Variants in ADAMTS8 observed in about 807,000 individuals in gnomAD.
ADAMTS8 encodes the protein A disintegrin and metalloproteinase with thrombospondin motifs 8.
ADAMTS8 carries 50 observed loss-of-function variants against 64.4 expected under a neutral mutation model. That is an observed-to-expected ratio of 0.78 (90% confidence interval 0.62 to 0.98). ADAMTS8 has a LOEUF of 0.98. ADAMTS8 is among the 50% of genes least tolerant of loss of function. The pLI is 0.00. For missense variants in ADAMTS8, 1,192 were observed against 1,208.2 expected (o/e 0.99, Z 0.20); for synonymous variants, 556 against 533.6 (o/e 1.04, Z -0.58).
At chr11:130,427,335 T>TG (rs909052681) in intron 1 of ADAMTS8, among the ~76,000 whole-genome samples, 3 of 151,570 alleles carry the variant, frequency 2.0e-5, no homozygotes, top group Admixed American at 6.6e-5. Flanking sequence ...GGAAGGGACC[T>TG]GGGGGTGGGG....
Position 130,427,941 on chromosome 11 carries a change from C to T in ADAMTS8, c.346G>A (p.Val116Ile), listed in dbSNP as rs1467823949. Residue 116 changes from valine to isoleucine, a missense_variant, in exon 1 of 9, where the codon GTC (valine) becomes ATC (isoleucine). This residue lies in a region of ADAMTS8 where 741 missense variants were observed against 710.6 expected (regional missense o/e 1.04). Coordinates refer to ENST00000257359, the MANE Select transcript of ADAMTS8 (RefSeq NM_007037.6). ...CCGCTCAGCCCGCGGCACAGGCTGA[C>T]CGCCGCCAGCGACTCGGGCTCCCCA... is the stretch of plus-strand genomic sequence containing the variant. Reference protein sequence around the residue: ...VNGEPESLAAVSLCRGLSGSF... With the variant: ...VNGEPESLAAISLCRGLSGSF... The T allele has an allele frequency of 6.5e-7, 1 of 1,532,024 alleles. No homozygotes were observed. Among genetic ancestry groups the T allele is most frequent in the Middle Eastern group, 1.9e-4 (1 of 5,248 alleles). 94.9% of individuals were successfully genotyped at this position (1,532,024 alleles called of 1,614,324 possible).
intron 6 of ADAMTS8, among the ~76,000 whole-genome samples, chr11:130,410,470 C>T (rs1861938753): frequency 1.3e-5 from 2 of 152,212 alleles, no homozygotes; most frequent in South Asian, 4.1e-4. Context: ...ACGTCTCACC[C>T]TGTATGCCAG....
rs386375276 is a variant in ADAMTS8 at position 130,415,603 on chromosome 11, CTTTT to C, written c.1264+556_1264+559del. Among the ~76,000 whole-genome samples the C allele has an allele frequency of 2.4e-3, 252 of 104,794 alleles. 3 individuals carry two copies. Among genetic ancestry groups the C allele is most frequent in the African/African-American group, 8.0e-3 (219 of 27,512 alleles). 68.7% of individuals were successfully genotyped at this position (104,794 alleles called of 152,430 possible). On this transcript the variant is annotated intron_variant, in intron 4 of 8. Transcript: ENST00000257359. ...CGGGCAGAAGCCACTGCACCTGGCC[CTTTT>C]TTTTTTTTTTTTTTTTAAAGAGATA...
Position 130,408,907 on chromosome 11 carries a change from T to A in ADAMTS8, c.1784A>T (p.Tyr595Phe). The change falls in exon 7 of 9, where the codon TAT (tyrosine) becomes TTT (phenylalanine). Residue 595 changes from tyrosine to phenylalanine, a missense_variant. Physicochemically the swap from Tyr to Phe is conservative, Grantham distance 22 (BLOSUM62 3). Transcript: ENST00000257359. ...CATGTCAGTGTAATTGTAGGCATTA[T>A]ACTTCTCACACTGCTGCTCCCTGAA... is the stretch of plus-strand genomic sequence containing the variant. ...KSFREQQCEK[Y>F]NAYNYTDMDG... 8.8e-6 allele frequency: 14 copies of A among 1,589,596 alleles called. No individual in the cohort carries two copies. The highest frequency in any genetic ancestry group is 1.2e-5 in the Non-Finnish European group (14 of 1,167,356).
rs919453740 is a variant in ADAMTS8 at position 130,417,045 on chromosome 11, T to A, written c.991A>T (p.Thr331Ser). 2 of 1,613,898 alleles carry A rather than the reference T, an allele frequency of 1.2e-6. No individual in the cohort carries two copies. Among genetic ancestry groups the A allele is most frequent in the South Asian group, 2.2e-5 (2 of 91,078 alleles). Reference protein sequence around the residue: ...NFCGQEGLCDTLGVADIGTIC... With the variant: ...NFCGQEGLCDSLGVADIGTIC... ...GTCCCGATGTCTGCCACACCCAGGG[T>A]GTCACACAGCCCCTCCTGCCCACAG... Residue 331 changes from threonine to serine, a missense_variant, in exon 3 of 9, where the codon ACC becomes TCC. This residue lies in a region of ADAMTS8 where 741 missense variants were observed against 710.6 expected (regional missense o/e 1.04). Transcript: ENST00000257359.
chr11:130,423,539 G>A (rs1862126269), intron 1 of ADAMTS8, among the ~76,000 whole-genome samples: 1 of 152,192 alleles, frequency 6.6e-6, no homozygotes, highest in Non-Finnish European at 1.5e-5. Flanking sequence ...TTAGTGTCTT[G>A]TGGAAGACAT....
chr11:130,413,006 G>A (rs1489375287), intron 5 of ADAMTS8, among the ~76,000 whole-genome samples: 1 of 152,112 alleles, frequency 6.6e-6, no homozygotes, highest in Non-Finnish European at 1.5e-5. Flanking sequence ...GAGTAGCTGG[G>A]ATTATAGGCA....
intron 5 of ADAMTS8, among the ~76,000 whole-genome samples, chr11:130,414,122 C>CTTTTTT (rs143297278): frequency 2.3e-5 from 3 of 129,776 alleles, no homozygotes; most frequent in Non-Finnish European, 3.3e-5. Context: ...AGTTTCTTTT[C>CTTTTTT]TTTTTTTTTT....
rs1363433210 is a variant in ADAMTS8 at position 130,405,538 on chromosome 11, C to G, written c.*20G>C. 1 of 1,574,678 alleles carries G rather than the reference C, an allele frequency of 6.4e-7. No homozygotes were observed. Among genetic ancestry groups the G allele is most frequent in the South Asian group, 1.2e-5 (1 of 84,238 alleles). ...GTACCGCATGTCCAGGAGCACAAGA[C>G]TGGCCCCTGCCCCCCTGAATCACAG... On this transcript the variant is annotated 3_prime_UTR_variant, in exon 9 of 9. Coordinates refer to ENST00000257359, the MANE Select transcript of ADAMTS8 (RefSeq NM_007037.6).
Position 130,416,751 on chromosome 11 carries a change from G to A in ADAMTS8, c.1096+189C>T, listed in dbSNP as rs191913324. 2.0e-5 allele frequency among the ~76,000 whole-genome samples: 3 copies of A among 152,178 alleles called. No homozygotes were observed. The highest frequency in any genetic ancestry group is 2.9e-5 in the Non-Finnish European group (2 of 68,038). On this transcript the variant is annotated intron_variant, in intron 3 of 8. Transcript: ENST00000257359. This position sits in a 1 kb window ranked among gnomAD's most constrained non-coding sequence, Gnocchi z 4.8. ...GCTTTTGTATTTTGGCCATGTGCTC[G>A]GGGTGGGAGCGGAGTTGTGTTCAGC...
rs141507758 is a variant in ADAMTS8, at chr11:130,416,850, C to G, written c.1096+90G>C. On this transcript the variant is annotated intron_variant, in intron 3 of 8. Transcript: ENST00000257359. This position sits in a 1 kb window ranked among gnomAD's most constrained non-coding sequence, Gnocchi z 4.8. The stretch of plus-strand genomic sequence containing the variant: ...GGAGGAGCTATTCCTAAGCAAGGGC[C>G]GCATATTCCTTAGGATCTACGCAAC... 7.1e-3 allele frequency: 11,081 copies of G among 1,571,110 alleles called. 68 individuals carry two copies. The highest frequency in any genetic ancestry group is 8.4e-3 in the Non-Finnish European group (9,623 of 1,150,540).
Position 130,419,146 on chromosome 11 carries a change from T to C in ADAMTS8, c.867A>G (p.Thr289=). 6.2e-7 allele frequency: 1 copy of C among 1,614,196 alleles called. No individual in the cohort carries two copies. Among genetic ancestry groups the C allele is most frequent in the Non-Finnish European group, 8.5e-7 (1 of 1,180,040 alleles). Residue 289 remains threonine (T), a synonymous_variant, in exon 2 of 9, where the codon ACA becomes ACG. Transcript: ENST00000257359. ...GPEVSDNGGL[T]LRNFCNWQRR... is the part of the protein sequence containing the mutation. Reference sequence around the variant, plus strand: ...GCTGCCAGTTGCAGAAGTTACGCAGTGTAAGCCCCCCATTGTCGGACACCT... The same window carrying C: ...GCTGCCAGTTGCAGAAGTTACGCAGCGTAAGCCCCCCATTGTCGGACACCT...
At chr11:130,406,630 G>T (rs969984059) in intron 8 of ADAMTS8, among the ~76,000 whole-genome samples, 3 of 148,226 alleles carry the variant, frequency 2.0e-5, no homozygotes, top group Non-Finnish European at 4.4e-5. Flanking sequence ...GAGTCAGTCG[G>T]CTCCTAGTAT....
rs778270891 is a variant in ADAMTS8 at position 130,414,743 on chromosome 11, A to G, written c.1354T>C (p.Cys452Arg). Residue 452 changes from cysteine (C) to arginine (R), a missense_variant, in exon 5 of 9, where the codon TGC becomes CGC. Cys to Arg is a radical substitution (Grantham distance 180). Transcript: ENST00000257359. Reference sequence around the variant, plus strand: ...AAATCCGGCCCAAAGATCTGCCTGCACTGCTGGTCCAGCTGGTACAGGGCC... The same window carrying G: ...AAATCCGGCCCAAAGATCTGCCTGCGCTGCTGGTCCAGCTGGTACAGGGCC... The part of the protein sequence containing the change: ...RMALYQLDQQ[C>R]RQIFGPDFRH... 2 of 1,613,568 alleles carry G rather than the reference A, an allele frequency of 1.2e-6. No individual in the cohort carries two copies. The highest frequency in any genetic ancestry group is 1.3e-5 in the African/African-American group (1 of 75,076).
chr11:130,424,669 C>G (rs1031750402), intron 1 of ADAMTS8, among the ~76,000 whole-genome samples: 2 of 152,174 alleles, frequency 1.3e-5, no homozygotes, highest in African/African-American at 4.8e-5. Flanking sequence ...GGTCTTGAGG[C>G]ACGGGAACTT....
chr11:130,424,008 A>G (rs1256358717), intron 1 of ADAMTS8, among the ~76,000 whole-genome samples: 1 of 152,222 alleles, frequency 6.6e-6, no homozygotes, highest in Admixed American at 6.5e-5. Flanking sequence ...CGCGTAACAT[A>G]GTGAGACCAG....
chr11:130,419,610 A>G (rs1287029218), intron 1 of ADAMTS8, among the ~76,000 whole-genome samples: 1 of 152,220 alleles, frequency 6.6e-6, no homozygotes, highest in South Asian at 2.1e-4. Flanking sequence ...TTAAAATCCA[A>G]AACCTTAAAC....
rs1379233426 is a variant in ADAMTS8, at chr11:130,416,659, C to A, written c.1096+281G>T. ...TGTGCACAGCTCCACGCCTCCACCC[C>A]AGCACGTGTCTGGTGTCCTGTGTCC... is the stretch of plus-strand genomic sequence containing the variant. On this transcript the variant is annotated intron_variant, in intron 3 of 8. Coordinates refer to ENST00000257359, the MANE Select transcript of ADAMTS8 (RefSeq NM_007037.6). The surrounding 1 kb of genome is among the most constrained non-coding windows in gnomAD (Gnocchi z 4.8). Among the ~76,000 whole-genome samples, 1 of 152,218 alleles carries A rather than the reference C, an allele frequency of 6.6e-6. No individual in the cohort carries two copies. The highest frequency in any genetic ancestry group is 1.5e-5 in the Non-Finnish European group (1 of 68,042).
chr11:130,423,754 C>T lies in ADAMTS8; in HGVS notation c.720+3813G>A, dbSNP rs1254904649. 3.3e-5 allele frequency among the ~76,000 whole-genome samples: 5 copies of T among 152,184 alleles called. No individual in the cohort carries two copies. The South Asian group carries it at 6.2e-4, about 19-fold the overall frequency. On this transcript the variant is annotated intron_variant, in intron 1 of 8. Coordinates refer to ENST00000257359, the MANE Select transcript of ADAMTS8 (RefSeq NM_007037.6). Reference sequence around the variant, plus strand: ...TGGCGGGACAGGCGTCCCAGGCTGGCGAGAGTGGGCACTGCCATGCTGCCC... The same window carrying T: ...TGGCGGGACAGGCGTCCCAGGCTGGTGAGAGTGGGCACTGCCATGCTGCCC...
Sources: allele counts gnomAD v4.1 joint callset (sites outside exome capture counted in the v4.1 genomes callset), GRCh38; gene constraint gnomAD v4.1.1; regional missense constraint gnomAD v4.1.1; non-coding constraint Gnocchi (gnomAD v3.1); transcripts MANE v1.5; gene names NCBI Gene and HGNC (gene_info 2026-07-23, HGNC 2026-07-21).